Variants in TMEM132D observed in about 807,000 individuals in gnomAD.
TMEM132D encodes mature OL transmembrane protein.
TMEM132D carries 21 observed loss-of-function variants against 62.3 expected under a neutral mutation model. The ratio of observed to expected loss-of-function variants is 0.34; its 90% CI spans 0.24 to 0.49. The LOEUF (loss-of-function observed/expected upper bound fraction) is 0.49. Ranked by LOEUF, TMEM132D falls within the 20% of genes least tolerant of loss-of-function variation. The pLI is 0.99. For missense variants in TMEM132D, 1,346 were observed against 1,402.8 expected, an observed-to-expected ratio of 0.96 and a Z score of 0.65; for synonymous variants, 621 against 575.6, an observed-to-expected ratio of 1.08 and a Z score of -1.13.
intron 2 of TMEM132D, among the ~76,000 whole-genome samples, chr12:129,679,442 A>C (rs1165834824): frequency 2.6e-5 from 4 of 152,090 alleles, no homozygotes; most frequent in Non-Finnish European, 5.9e-5. Context: ...AAAATCCAAA[A>C]ACTTTTATTC....
intron 1 of TMEM132D, among the ~76,000 whole-genome samples, chr12:129,704,108 A>G (rs1206436347): frequency 2.0e-5 from 3 of 152,234 alleles, no homozygotes; most frequent in African/African-American, 7.2e-5. Context: ...GAAATATTCC[A>G]TAGGGCATGC....
chr12:129,714,955 C>T (rs1230033206), intron 1 of TMEM132D, among the ~76,000 whole-genome samples: 1 of 152,092 alleles, frequency 6.6e-6, no homozygotes, highest in Non-Finnish European at 1.5e-5. Flanking sequence ...AATGCGTAAG[C>T]CGCTCCCCAT....
chr12:129,261,957 A>G (rs1880560237), intron 4 of TMEM132D, among the ~76,000 whole-genome samples: 1 of 152,174 alleles, frequency 6.6e-6, no homozygotes, highest in Non-Finnish European at 1.5e-5. Flanking sequence ...TTTCTTGACA[A>G]TAAAAAGGGA....
At chr12:129,213,488 C>A (rs1170645842) in intron 4 of TMEM132D, among the ~76,000 whole-genome samples, 2 of 148,046 alleles carry the variant, frequency 1.4e-5, no homozygotes, top group South Asian at 2.2e-4. Flanking sequence ...CAGAGCGAGG[C>A]CTTCTCTCAA....
intron 2 of TMEM132D, among the ~76,000 whole-genome samples, chr12:129,630,060 G>A (rs1406871506): frequency 6.6e-6 from 1 of 152,150 alleles, no homozygotes; most frequent in Non-Finnish European, 1.5e-5. Flanking sequence ...TGGCATATGT[G>A]AATACAAAAC....
intron 1 of TMEM132D, among the ~76,000 whole-genome samples, chr12:129,766,769 C>T (rs1870566952): frequency 6.6e-6 from 1 of 152,142 alleles, no homozygotes; most frequent in South Asian, 2.1e-4. Context: ...ATCCCTAGCC[C>T]AGGCCCCTCT....
At position 129,278,866 on chromosome 12, in the gene TMEM132D, G is replaced by A. The variant is rs78034701; in HGVS notation, c.1299+58768C>T. 6.4e-3 allele frequency among the ~76,000 whole-genome samples: 970 copies of A among 152,236 alleles called. 10 individuals are homozygous for A. Among genetic ancestry groups the A allele is most frequent in the African/African-American group, 0.022 (895 of 41,548 alleles). On this transcript the variant is annotated intron_variant, in intron 4 of 8. Transcript: ENST00000422113. ...ATTTAGATATCATTTTCTTCCTGTTGTCTGACTCAAAGGTCACAGACATAG... is the reference window on the plus strand; with the variant it reads ...ATTTAGATATCATTTTCTTCCTGTTATCTGACTCAAAGGTCACAGACATAG...
At chr12:129,415,791 G>A (rs1438908260) in intron 3 of TMEM132D, among the ~76,000 whole-genome samples, 2 of 152,198 alleles carry the variant, frequency 1.3e-5, no homozygotes, top group African/African-American at 4.8e-5. Flanking sequence ...CATCCACACA[G>A]GGAAATGCAT....
chr12:129,351,271 G>A (rs955453922), intron 3 of TMEM132D, among the ~76,000 whole-genome samples: 2 of 152,126 alleles, frequency 1.3e-5, no homozygotes, highest in African/African-American at 2.4e-5. Context: ...ACTGGGAAAT[G>A]GTAAAAGCTC....
chr12:129,124,178 T>C (rs1381194358), intron 5 of TMEM132D, among the ~76,000 whole-genome samples: 1 of 152,176 alleles, frequency 6.6e-6, no homozygotes, highest in Non-Finnish European at 1.5e-5. Context: ...GTGGCTCCCA[T>C]GTGGCCTCAC....
At chr12:129,516,022 A>T (rs1875663958) in intron 3 of TMEM132D, among the ~76,000 whole-genome samples, 1 of 152,210 alleles carries the variant, frequency 6.6e-6, no homozygotes, top group East Asian at 1.9e-4. Context: ...TGACAATCAG[A>T]CAAGAACCAC....
At chr12:129,721,003 A>G (rs1868805782) in intron 1 of TMEM132D, among the ~76,000 whole-genome samples, 1 of 152,238 alleles carries the variant, frequency 6.6e-6, no homozygotes, top group African/African-American at 2.4e-5. Flanking sequence ...GCAGGGGAAG[A>G]TGGGGCCGCA....
rs141774512 is a variant in TMEM132D at position 129,610,350 on chromosome 12, G to T, written c.969-79145C>A. 3.4e-4 allele frequency among the ~76,000 whole-genome samples: 52 copies of T among 151,272 alleles called. 1 individual carries two copies. In the East Asian group the frequency reaches 9.7e-3, roughly 28 times the overall value. ...ATTATTGAATTGATTGAATTGACAC[G>T]TGCATTATACATTCTTCTATCTTAA... On this transcript the variant is annotated intron_variant, in intron 2 of 8. Transcript: ENST00000422113.
chr12:129,120,629 AG>A (rs1876030052), intron 5 of TMEM132D, among the ~76,000 whole-genome samples: 1 of 152,228 alleles, frequency 6.6e-6, no homozygotes, highest in Non-Finnish European at 1.5e-5. Context: ...CAAACAAAAA[AG>A]GATATTAAGT....
chr12:129,192,082 G>T (rs1192533080), intron 5 of TMEM132D, among the ~76,000 whole-genome samples: 4 of 152,184 alleles, frequency 2.6e-5, no homozygotes, highest in Non-Finnish European at 5.9e-5. Context: ...TGGAGGCACA[G>T]TGTTCACTTC....
At position 129,712,314 on chromosome 12, in the gene TMEM132D, C is replaced by T. The variant is rs574617267; in HGVS notation, c.80-11616G>A. On this transcript the variant is annotated intron_variant, in intron 1 of 8. Transcript: ENST00000422113. The stretch of plus-strand genomic sequence containing the variant: ...TAATTTTTTGTATTTTTAGTAGAAA[C>T]GGGGTTTCACCATGTTAGCCAGGAT... Among the ~76,000 whole-genome samples the T allele has an allele frequency of 6.6e-5, 10 of 152,114 alleles. No homozygotes were observed. The South Asian group carries it at 1.2e-3, about 19-fold the overall frequency.
In TMEM132D at chr12:129,545,544, C is replaced by T. The variant is rs139500997; in HGVS notation, c.969-14339G>A. Reference sequence around the variant, plus strand: ...AGTATTGCTGACTATAGGCACAGTGCTGTGCTGTGGATCTCTAGAGCTTAT... The same window carrying T: ...AGTATTGCTGACTATAGGCACAGTGTTGTGCTGTGGATCTCTAGAGCTTAT... On this transcript the variant is annotated intron_variant, in intron 2 of 8. Coordinates refer to ENST00000422113, the MANE Select transcript of TMEM132D (RefSeq NM_133448.3). 4.6e-3 allele frequency among the ~76,000 whole-genome samples: 695 copies of T among 152,288 alleles called. 3 individuals are homozygous for T. The highest frequency in any genetic ancestry group is 0.016 in the African/African-American group (661 of 41,562).
At chr12:129,883,691 A>C (rs1874670913) in intron 1 of TMEM132D, among the ~76,000 whole-genome samples, 1 of 152,204 alleles carries the variant, frequency 6.6e-6, no homozygotes, top group African/African-American at 2.4e-5. Flanking sequence ...GTATTGGTGA[A>C]AAGACAGAGA....
At chr12:129,344,004 G>T (rs901246187) in intron 3 of TMEM132D, among the ~76,000 whole-genome samples, 2 of 152,172 alleles carry the variant, frequency 1.3e-5, no homozygotes, top group African/African-American at 4.8e-5. Flanking sequence ...CTAATCCTTT[G>T]TCACAAACCC....
Sources: gnomAD v4.1 joint callset for allele counts (sites outside exome capture counted in the v4.1 genomes callset) on GRCh38, gnomAD v4.1.1 for gene constraint, MANE v1.5 for transcripts, NCBI Gene and HGNC (gene_info 2026-07-23, HGNC 2026-07-21) for gene names.